NEGR1: variants seen among roughly 807,000 people sequenced by gnomAD.
NEGR1 encodes neuronal growth regulator 1.
In NEGR1, 10 loss-of-function variants were observed where a neutral mutation model predicts 40.9. The observed-to-expected ratio is 0.24, with a 90% CI of 0.15 to 0.42. NEGR1 has a LOEUF of 0.42. Among genes scored for constraint, NEGR1 ranks in the 10% least tolerant of loss-of-function variants. The pLI is 1.00. For missense variants in NEGR1, 352 were observed against 438.9 expected (o/e 0.80, Z 1.77); for synonymous variants, 185 against 166.8 (o/e 1.11, Z -0.84).
At chr1:72,131,950 T>C (rs1650270833) in intron 1 of NEGR1, among the ~76,000 whole-genome samples, 1 of 151,872 alleles carries the variant, frequency 6.6e-6, no homozygotes, top group Non-Finnish European at 1.5e-5. Flanking sequence ...TACAAAAAAA[T>C]TAGCCAGGCG....
intron 4 of NEGR1, among the ~76,000 whole-genome samples, chr1:71,678,953 C>T (rs1652736289): frequency 6.6e-6 from 1 of 152,114 alleles, no homozygotes; most frequent in African/African-American, 2.4e-5. Context: ...ACACTCTATC[C>T]TGAAGAATGG....
intron 6 of NEGR1, among the ~76,000 whole-genome samples, chr1:71,566,187 T>C (rs936809412): frequency 2.0e-5 from 3 of 152,138 alleles, no homozygotes; most frequent in African/African-American, 7.2e-5. Flanking sequence ...ACCCAGTTTG[T>C]AGTAATTTTT....
intron 1 of NEGR1, among the ~76,000 whole-genome samples, chr1:72,146,161 C>A (rs1650901223): frequency 6.6e-6 from 1 of 152,076 alleles, no homozygotes; most frequent in African/African-American, 2.4e-5. Flanking sequence ...GGTTGAGCCT[C>A]TTCAATTCAA....
In NEGR1 at chr1:71,746,183, T is replaced by C. The variant is rs76326602; in HGVS notation, c.535+29989A>G. On this transcript the variant is annotated intron_variant, in intron 3 of 6. Coordinates refer to ENST00000357731, the MANE Select transcript of NEGR1 (RefSeq NM_173808.3). ...TATGCTTTTCTTGCTAACCTGTCTTTGTCACACAGGTGTTGGCCATGACCC... is the reference window on the plus strand; with the variant it reads ...TATGCTTTTCTTGCTAACCTGTCTTCGTCACACAGGTGTTGGCCATGACCC... Among the ~76,000 whole-genome samples, 1,290 of 152,356 alleles carry C rather than the reference T, an allele frequency of 8.5e-3. 24 individuals are homozygous for C. The highest frequency in any genetic ancestry group is 0.03 in the African/African-American group (1,231 of 41,578).
chr1:72,094,505 A>T (rs1310419867), intron 1 of NEGR1, among the ~76,000 whole-genome samples: 2 of 152,156 alleles, frequency 1.3e-5, no homozygotes, highest in African/African-American at 4.8e-5. Flanking sequence ...CAACGTCAAA[A>T]ACAACTGCAG....
chr1:71,486,976 G>A (rs969616138), intron 6 of NEGR1: 1 of 151,490 alleles, frequency 6.6e-6, no homozygotes. Context: ...TTGATTGTCT[G>A]AAACAGCAGG....
chr1:72,093,329 CA>C lies in NEGR1; in HGVS notation c.177-158019del, dbSNP rs11370565. ...CTGGTGCCAGAGCTAGACTCTGCCT[CA>C]AAAAAAAAAAAAAGATGCTCAAATG... On this transcript the variant is annotated intron_variant, in intron 1 of 6. Coordinates refer to ENST00000357731, the MANE Select transcript of NEGR1 (RefSeq NM_173808.3). Among the ~76,000 whole-genome samples, 88 of 118,764 alleles carry C rather than the reference CA, an allele frequency of 7.4e-4. 1 individual carries two copies. The highest frequency in any genetic ancestry group is 1.1e-3 in the African/African-American group (28 of 24,766). The allele number at this position is 118,764 out of a possible 152,430, so 77.9% of individuals were successfully genotyped here.
intron 1 of NEGR1, among the ~76,000 whole-genome samples, chr1:72,131,036 C>T (rs1272455828): frequency 6.6e-6 from 1 of 152,134 alleles, no homozygotes; most frequent in African/African-American, 2.4e-5. Context: ...TTCTATTGCT[C>T]ATGTTGTAAG....
intron 1 of NEGR1, among the ~76,000 whole-genome samples, chr1:72,163,801 G>A (rs990011103): frequency 2.6e-5 from 4 of 151,736 alleles, no homozygotes; most frequent in African/African-American, 9.7e-5. Context: ...ACATTAGAAA[G>A]TAGAAATATA....
At chr1:71,855,994 T>C (rs1490545737) in intron 2 of NEGR1, among the ~76,000 whole-genome samples, 1 of 152,054 alleles carries the variant, frequency 6.6e-6, no homozygotes, top group African/African-American at 2.4e-5. Flanking sequence ...TTCTTACAGT[T>C]ATGTGTCTCA....
chr1:71,488,682 T>A (rs1331186389), intron 6 of NEGR1, among the ~76,000 whole-genome samples: 1 of 151,634 alleles, frequency 6.6e-6, no homozygotes, highest in Non-Finnish European at 1.5e-5. Flanking sequence ...ACTACCTATA[T>A]CCCTTCTTCT....
chr1:71,607,366 T>C (rs562268756), intron 5 of NEGR1, among the ~76,000 whole-genome samples: 4 of 152,338 alleles, frequency 2.6e-5, no homozygotes, highest in African/African-American at 4.8e-5. Context: ...GTATTTCACA[T>C]TGACATTTCA....
rs1438743818 is a variant in NEGR1 at position 71,905,660 on chromosome 1, A to G, written c.409+29419T>C. On this transcript the variant is annotated intron_variant, in intron 2 of 6. Coordinates refer to ENST00000357731, the MANE Select transcript of NEGR1 (RefSeq NM_173808.3). ...GCCTTTTGATTTAACAATATTTTGA[A>G]TAATCTTTCTGACCTAGGAAAAGAT... Among the ~76,000 whole-genome samples the G allele has an allele frequency of 2.0e-5, 3 of 152,228 alleles. No individual in the cohort carries two copies. The East Asian group carries it at 5.8e-4, about 29-fold the overall frequency.
Position 71,629,849 on chromosome 1 carries a change from T to C in NEGR1, c.668-18703A>G, listed in dbSNP as rs369852557. On this transcript the variant is annotated intron_variant, in intron 4 of 6. Coordinates refer to ENST00000357731, the MANE Select transcript of NEGR1 (RefSeq NM_173808.3). ...TTAAATCCAATAAGTTAGAATTTAA[T>C]GTGGATGGTCTTGCAATGCTCATGT... 4.3e-4 allele frequency among the ~76,000 whole-genome samples: 66 copies of C among 152,074 alleles called. No homozygotes were observed. In the East Asian group the frequency reaches 0.011, roughly 26 times the overall value.
At chr1:71,441,173 A>G (rs1392105029) in intron 6 of NEGR1, among the ~76,000 whole-genome samples, 1 of 152,234 alleles carries the variant, frequency 6.6e-6, no homozygotes, top group Admixed American at 6.5e-5. Context: ...CATGTGGTGA[A>G]TCACATAAAC....
intron 1 of NEGR1, among the ~76,000 whole-genome samples, chr1:72,259,199 G>T (rs1489668859): frequency 6.6e-6 from 1 of 152,040 alleles, no homozygotes. Flanking sequence ...ATCAATATTA[G>T]AAAATTACAT....
At chr1:71,509,619 A>G (rs1658894008) in intron 6 of NEGR1, among the ~76,000 whole-genome samples, 1 of 152,176 alleles carries the variant, frequency 6.6e-6, no homozygotes, top group Non-Finnish European at 1.5e-5. Flanking sequence ...ATACCCAAAA[A>G]TACACATGGC....
chr1:72,074,411 A>G (rs2100515729), intron 1 of NEGR1, among the ~76,000 whole-genome samples: 1 of 152,116 alleles, frequency 6.6e-6, no homozygotes, highest in African/African-American at 2.4e-5. Context: ...CATCATTTTT[A>G]TGTGCGAATA....
At position 71,950,057 on chromosome 1, in the gene NEGR1, T is replaced by G. The variant is rs184273405; in HGVS notation, c.177-14746A>C. ...ACTGAGGAAACCTTACTCATTTGGT[T>G]TTAATTTGACTCAAACAACATAATA... is the stretch of plus-strand genomic sequence containing the variant. On this transcript the variant is annotated intron_variant, in intron 1 of 6. Transcript: ENST00000357731. Among the ~76,000 whole-genome samples, 73 of 152,180 alleles carry G rather than the reference T, an allele frequency of 4.8e-4. No individual in the cohort carries two copies. The East Asian group carries it at 0.012, about 26-fold the overall frequency.
Sources: gnomAD v4.1 joint callset for allele counts (sites outside exome capture counted in the v4.1 genomes callset) on GRCh38, gnomAD v4.1.1 for gene constraint, MANE v1.5 for transcripts, NCBI Gene and HGNC (gene_info 2026-07-23, HGNC 2026-07-21) for gene names.